NDST3: variants seen among roughly 807,000 people sequenced by gnomAD.
NDST3 encodes N-deacetylase and N-sulfotransferase 3, also known as bifunctional heparan sulfate N-deacetylase/N-sulfotransferase 3.
Under a neutral mutation model 96.1 loss-of-function variants are expected in NDST3, and 58 were observed. The observed-to-expected ratio is 0.60, with a 90% CI of 0.49 to 0.75. NDST3 has a LOEUF of 0.75. NDST3 is among the 30% of genes least tolerant of loss of function. The probability of loss-of-function intolerance (pLI) is 0.00; values close to 1 mark genes in which losing one functional copy is unlikely to be tolerated. For missense variants in NDST3, 788 were observed against 1,034.2 expected, an observed-to-expected ratio of 0.76 and a Z score of 3.27; for synonymous variants, 333 against 359.7, an observed-to-expected ratio of 0.93 and a Z score of 0.84.
intron 2 of NDST3, among the ~76,000 whole-genome samples, chr4:118,101,440 G>A (rs1045800195): frequency 3.3e-5 from 5 of 149,268 alleles, no homozygotes; most frequent in African/African-American, 1.2e-4. Flanking sequence ...TGAAATTTTT[G>A]TGTTAAATTG....
At chr4:118,087,460 A>T (rs1042914178) in intron 2 of NDST3, among the ~76,000 whole-genome samples, 3 of 152,008 alleles carry the variant, frequency 2.0e-5, no homozygotes, top group African/African-American at 7.2e-5. Context: ...CTATACATTC[A>T]CAGATTCAGG....
At chr4:118,151,120 A>G (rs1734362612) in intron 6 of NDST3, among the ~76,000 whole-genome samples, 1 of 152,192 alleles carries the variant, frequency 6.6e-6, no homozygotes, top group Non-Finnish European at 1.5e-5. Flanking sequence ...CATCATTCTC[A>G]GTAAACTATC....
intron 6 of NDST3, among the ~76,000 whole-genome samples, chr4:118,155,145 G>A (rs1453435348): frequency 6.6e-6 from 1 of 151,960 alleles, no homozygotes; most frequent in Non-Finnish European, 1.5e-5. Context: ...TCATCTTTTT[G>A]CTATCCTCCA....
intron 1 of NDST3, among the ~76,000 whole-genome samples, chr4:118,040,512 C>T (rs2110423628): frequency 6.6e-6 from 1 of 152,220 alleles, no homozygotes; most frequent in Admixed American, 6.5e-5. Flanking sequence ...CTTCCCACAA[C>T]TCTACTTAAG....
chr4:118,112,724 C>T (rs755924248), intron 3 of NDST3, among the ~76,000 whole-genome samples: 1 of 152,104 alleles, frequency 6.6e-6, no homozygotes, highest in Non-Finnish European at 1.5e-5. Flanking sequence ...TTTATCACCT[C>T]GAATTTAGAA....
chr4:118,255,488 T>C (rs1742059066), intron 13 of NDST3, 105 bp from the exon 14 acceptor site: 2 of 1,210,774 alleles, frequency 1.7e-6, no homozygotes, highest in Non-Finnish European at 2.3e-6. Context: ...TAATACAAAT[T>C]TTAATCCAGA....
At chr4:118,227,012 G>A in intron 8 of NDST3, 30 bp downstream of exon 8, 1 of 1,477,354 alleles carries the variant, frequency 6.8e-7, no homozygotes, top group Non-Finnish European at 9.4e-7. Flanking sequence ...TGATTAACGA[G>A]TGTAAATTTT....
chr4:118,166,491 A>C (rs1304325926), intron 6 of NDST3, among the ~76,000 whole-genome samples: 1 of 151,916 alleles, frequency 6.6e-6, no homozygotes, highest in Non-Finnish European at 1.5e-5. Context: ...ACTAATGCCA[A>C]TCCTTATCAA....
intron 6 of NDST3, among the ~76,000 whole-genome samples, chr4:118,178,481 G>T (rs1414703284): frequency 6.6e-6 from 1 of 151,814 alleles, no homozygotes; most frequent in African/African-American, 2.4e-5. Context: ...TATCCTCAAG[G>T]TTCATTGATG....
chr4:118,204,985 T>A (rs1738340534), intron 6 of NDST3, among the ~76,000 whole-genome samples: 1 of 144,758 alleles, frequency 6.9e-6, no homozygotes, highest in African/African-American at 2.6e-5. Flanking sequence ...ATTGGCTTAT[T>A]ATATTAAAGT....
chr4:118,101,691 T>C (rs191441672), intron 2 of NDST3, among the ~76,000 whole-genome samples: 39 of 152,252 alleles, frequency 2.6e-4, no homozygotes, highest in African/African-American at 8.9e-4. Flanking sequence ...CAAACCTAGA[T>C]GGTATACCCT....
chr4:118,103,021 A>T (rs1372578220), intron 2 of NDST3, among the ~76,000 whole-genome samples: 1 of 152,136 alleles, frequency 6.6e-6, no homozygotes, highest in Non-Finnish European at 1.5e-5. Context: ...CTAAGAGGTT[A>T]GTTCGCAGGA....
chr4:118,181,176 TCAGAGTCAC>T (rs747762094), intron 6 of NDST3, among the ~76,000 whole-genome samples: 2 of 152,110 alleles, frequency 1.3e-5, no homozygotes, highest in Non-Finnish European at 2.9e-5. Context: ...TCAAAGGGTA[TCAGAGTCAC>T]CAGAAGTCTC....
At chr4:118,244,343 A>G (rs1741179958) in intron 12 of NDST3, among the ~76,000 whole-genome samples, 1 of 152,198 alleles carries the variant, frequency 6.6e-6, no homozygotes, top group South Asian at 2.1e-4. Context: ...CTTTGGAAAT[A>G]CTGAGGATGA....
At chr4:118,206,804 G>A (rs1327180024) in intron 6 of NDST3, among the ~76,000 whole-genome samples, 3 of 143,644 alleles carry the variant, frequency 2.1e-5, no homozygotes, top group Non-Finnish European at 4.6e-5. Flanking sequence ...TCTATGACAG[G>A]CAACTTGGCA....
At chr4:118,208,423 T>C (rs1461687349) in intron 6 of NDST3, among the ~76,000 whole-genome samples, 1 of 144,188 alleles carries the variant, frequency 6.9e-6, no homozygotes, top group Non-Finnish European at 1.5e-5. Flanking sequence ...GTATTTTGCT[T>C]TTAATTAAGT....
At chr4:118,184,600 TCTACAC>T (rs1390121985) in intron 6 of NDST3, among the ~76,000 whole-genome samples, 18 of 89,598 alleles carry the variant, frequency 2.0e-4, no homozygotes, top group African/African-American at 6.2e-4. Context: ...TCTCTCTCTC[TCTACAC>T]ACACACACAC....
At chr4:118,167,772 C>T (rs1362346084) in intron 6 of NDST3, among the ~76,000 whole-genome samples, 1 of 152,014 alleles carries the variant, frequency 6.6e-6, no homozygotes, top group Non-Finnish European at 1.5e-5. Context: ...ATGTTGTCAA[C>T]TGACCTTTGA....
At chr4:118,213,601 GT>G (rs1738986212) in intron 6 of NDST3, among the ~76,000 whole-genome samples, 1 of 151,194 alleles carries the variant, frequency 6.6e-6, no homozygotes, top group African/African-American at 2.4e-5. Flanking sequence ...ACATTTTAAA[GT>G]ATTTTTAACA....
Sources: allele counts gnomAD v4.1 joint callset (sites outside exome capture counted in the v4.1 genomes callset), GRCh38; gene constraint gnomAD v4.1.1; transcripts MANE v1.5; gene names NCBI Gene and HGNC (gene_info 2026-07-23, HGNC 2026-07-21).